CAMTA1: variants seen among roughly 807,000 people sequenced by gnomAD.
CAMTA1 encodes the protein calmodulin binding transcription activator 1.
A neutral mutation model predicts 170.9 loss-of-function variants in CAMTA1; 27 were observed. The observed-to-expected ratio is 0.16, with a 90% CI of 0.12 to 0.22. The LOEUF (loss-of-function observed/expected upper bound fraction) is 0.22. CAMTA1 is among the 10% of genes least tolerant of loss of function. CAMTA1 has a pLI of 1.00. For missense variants in CAMTA1, 1,619 were observed against 2,217.2 expected (o/e 0.73, Z 5.42); for synonymous variants, 833 against 891.5 (o/e 0.93, Z 1.17).
At chr1:7,368,587 T>C (rs2086198818) in intron 5 of CAMTA1, among the ~76,000 whole-genome samples, 1 of 152,042 alleles carries the variant, frequency 6.6e-6, no homozygotes, top group African/African-American at 2.4e-5. Flanking sequence ...AGCACAGGAG[T>C]TCCCGCTGTG....
chr1:7,376,895 T>A (rs2086881141), intron 5 of CAMTA1, among the ~76,000 whole-genome samples: 1 of 152,188 alleles, frequency 6.6e-6, no homozygotes, highest in South Asian at 2.1e-4. Flanking sequence ...GGAGCTAGTC[T>A]GTCCTCAGCC....
intron 5 of CAMTA1, among the ~76,000 whole-genome samples, chr1:7,379,594 T>C (rs1014511031): frequency 1.3e-5 from 2 of 152,322 alleles, no homozygotes; most frequent in East Asian, 1.9e-4. Flanking sequence ...CAAAGCACTT[T>C]CTCTGTCTAT....
chr1:6,991,629 A>G (rs889894511), intron 3 of CAMTA1, among the ~76,000 whole-genome samples: 1 of 152,146 alleles, frequency 6.6e-6, no homozygotes, highest in African/African-American at 2.4e-5. Flanking sequence ...TGTTAGCTAT[A>G]TGTTTCACAA....
At position 7,769,480 on chromosome 1, in the gene CAMTA1, G is replaced by A. The variant is rs2097043453; in HGVS notation, c.*2989G>A. 1 of 152,722 alleles carries A rather than the reference G, an allele frequency of 6.5e-6. No homozygotes were observed. The highest frequency in any genetic ancestry group is 1.5e-5 in the Non-Finnish European group (1 of 68,036). 9.5% of individuals were successfully genotyped at this position (152,722 alleles called of 1,614,324 possible). On this transcript the variant is annotated 3_prime_UTR_variant, in exon 23 of 23. Transcript: ENST00000303635. Reference sequence around the variant, plus strand: ...CACAGTAGTTGGCGCCCAATGGGGGGTCCCTGAGACTTGCATGTAAAACTA... The same window carrying A: ...CACAGTAGTTGGCGCCCAATGGGGGATCCCTGAGACTTGCATGTAAAACTA...
chr1:7,077,087 T>G (rs1056045949), intron 3 of CAMTA1, among the ~76,000 whole-genome samples: 4 of 152,238 alleles, frequency 2.6e-5, no homozygotes, highest in Non-Finnish European at 5.9e-5. Flanking sequence ...CACACTCTGT[T>G]AGCTACACAA....
chr1:6,815,803 G>C (rs1209457572), intron 1 of CAMTA1, among the ~76,000 whole-genome samples: 3 of 152,150 alleles, frequency 2.0e-5, no homozygotes, highest in African/African-American at 7.2e-5. Context: ...CTTGTTAGAG[G>C]CAGAATCTCA....
chr1:7,079,490 A>G (rs1639736409), intron 3 of CAMTA1, among the ~76,000 whole-genome samples: 1 of 151,710 alleles, frequency 6.6e-6, no homozygotes, highest in Non-Finnish European at 1.5e-5. Context: ...TTTCTTTTTT[A>G]AAGACAGAAT....
intron 5 of CAMTA1, among the ~76,000 whole-genome samples, chr1:7,378,948 A>T (rs2087060829): frequency 6.6e-6 from 1 of 152,018 alleles, no homozygotes; most frequent in South Asian, 2.1e-4. Context: ...GAGGCACCCC[A>T]TCCCCATCCC....
rs1646061699 is a variant in CAMTA1 at position 7,144,368 on chromosome 1, A to C, written c.302+52997A>C. 6.6e-6 allele frequency among the ~76,000 whole-genome samples: 1 copy of C among 152,160 alleles called. No homozygotes were observed. The highest frequency in any genetic ancestry group is 6.5e-5 in the Admixed American group (1 of 15,274). ...GTTCTAAGGCCACCAATTCTATTGG[A>C]TACAGACCCTATCTGACCTCATTTA... is the stretch of plus-strand genomic sequence containing the variant. On this transcript the variant is annotated intron_variant, in intron 4 of 22. Coordinates refer to ENST00000303635, the MANE Select transcript of CAMTA1 (RefSeq NM_015215.4). This position sits in a 1 kb window ranked among gnomAD's most constrained non-coding sequence, Gnocchi z 4.0.
intron 4 of CAMTA1, among the ~76,000 whole-genome samples, chr1:7,221,903 G>GCACACACACACA (rs1660833931): frequency 8.0e-6 from 1 of 124,276 alleles, no homozygotes; most frequent in African/African-American, 5.7e-5. Context: ...ACAAGCTGGT[G>GCACACACACACA]CATACACACA....
At chr1:6,967,867 AATCGGTAGG>A (rs1691831860) in intron 3 of CAMTA1, among the ~76,000 whole-genome samples, 1 of 152,128 alleles carries the variant, frequency 6.6e-6, no homozygotes, top group Non-Finnish European at 1.5e-5. Context: ...CTTCCAGAAA[AATCGGTAGG>A]ATCCCTGGGT....
intron 16 of CAMTA1, among the ~76,000 whole-genome samples, chr1:7,739,648 C>T (rs182102389): frequency 9.2e-5 from 14 of 152,240 alleles, no homozygotes; most frequent in South Asian, 4.1e-4. Flanking sequence ...GAATGAGAGC[C>T]GAGTGAAAGG....
At position 7,464,964 on chromosome 1, in the gene CAMTA1, G is replaced by C. The variant is rs78267742; in HGVS notation, c.439-2866G>C. On this transcript the variant is annotated intron_variant, in intron 5 of 22. Coordinates refer to ENST00000303635, the MANE Select transcript of CAMTA1 (RefSeq NM_015215.4). ...GCTCATCAGCAGGGGATTGCCGTGAGCTGCTTTCCCCACTTGGACAGCAAA... is the reference window on the plus strand; with the variant it reads ...GCTCATCAGCAGGGGATTGCCGTGACCTGCTTTCCCCACTTGGACAGCAAA... 7.2e-3 allele frequency among the ~76,000 whole-genome samples: 1,096 copies of C among 152,300 alleles called. 14 individuals carry two copies. The highest frequency in any genetic ancestry group is 0.025 in the African/African-American group (1,047 of 41,570).
intron 3 of CAMTA1, among the ~76,000 whole-genome samples, chr1:6,901,827 C>G (rs549785540): frequency 6.6e-6 from 1 of 152,092 alleles, no homozygotes; most frequent in Non-Finnish European, 1.5e-5. Context: ...AGGTGGATCA[C>G]TTGAAGTCAG....
At chr1:7,629,485 C>T (rs945103215) in intron 6 of CAMTA1, among the ~76,000 whole-genome samples, 2 of 152,206 alleles carry the variant, frequency 1.3e-5, no homozygotes, top group African/African-American at 2.4e-5. Context: ...GTTGACTGCC[C>T]GCTGTGTAGT....
intron 6 of CAMTA1, among the ~76,000 whole-genome samples, chr1:7,485,644 C>A (rs1296249532): frequency 6.6e-6 from 1 of 152,200 alleles, no homozygotes; most frequent in Non-Finnish European, 1.5e-5. Context: ...GAGAGCCCCT[C>A]CCACTGAGTC....
rs113948672 is a variant in CAMTA1, at chr1:7,594,138, A to G, written c.511-46262A>G. On this transcript the variant is annotated intron_variant, in intron 6 of 22. Coordinates refer to ENST00000303635, the MANE Select transcript of CAMTA1 (RefSeq NM_015215.4). ...AAGAGAGAAAGAAAGAAAGAAAGAA[A>G]GAAGGAAGGAAGGAAAGAAGGAAGG... is the stretch of plus-strand genomic sequence containing the variant. 2.1e-3 allele frequency among the ~76,000 whole-genome samples: 315 copies of G among 149,526 alleles called. No individual in the cohort carries two copies. The East Asian group carries it at 0.026, about 12-fold the overall frequency.
At chr1:6,796,861 G>T (rs1251142192) in intron 1 of CAMTA1, among the ~76,000 whole-genome samples, 1 of 152,174 alleles carries the variant, frequency 6.6e-6, no homozygotes, top group Non-Finnish European at 1.5e-5. Flanking sequence ...TTTCAAGCCT[G>T]CTGTAGCTGA....
intron 4 of CAMTA1, among the ~76,000 whole-genome samples, chr1:7,163,016 G>A (rs1647548277): frequency 6.7e-6 from 1 of 149,538 alleles, no homozygotes; most frequent in African/African-American, 2.4e-5. Flanking sequence ...AGGAGGACCT[G>A]TGAGGCACTA....
Sources: allele counts gnomAD v4.1 joint callset (sites outside exome capture counted in the v4.1 genomes callset), GRCh38; gene constraint gnomAD v4.1.1; non-coding constraint Gnocchi (gnomAD v3.1); transcripts MANE v1.5; gene names NCBI Gene and HGNC (gene_info 2026-07-23, HGNC 2026-07-21).